Variants in TNFRSF10B observed in about 807,000 individuals in gnomAD.
TNFRSF10B encodes the protein tumor necrosis factor receptor superfamily member 10B.
In TNFRSF10B, 35 loss-of-function variants were observed where a neutral mutation model predicts 41.4. The observed-to-expected ratio is 0.85, with a 90% confidence interval of 0.65 to 1.12. The LOEUF is 1.12. Ranked by LOEUF, TNFRSF10B falls within the 50% of genes most tolerant of loss-of-function variation. The probability of loss-of-function intolerance (pLI) is 0.00; values close to 1 mark genes in which losing one functional copy is unlikely to be tolerated. For missense variants in TNFRSF10B, 584 were observed against 552.7 expected, an observed-to-expected ratio of 1.06 and a Z score of -0.57; for synonymous variants, 230 against 215.5, an observed-to-expected ratio of 1.07 and a Z score of -0.59.
chr8:23,028,361 C>T lies in TNFRSF10B; in HGVS notation c.718G>A (p.Val240Ile). The T allele has an allele frequency of 6.2e-7, 1 of 1,614,182 alleles. No homozygotes were observed. The highest frequency in any genetic ancestry group is 8.5e-7 in the Non-Finnish European group (1 of 1,180,022). Residue 240 changes from valine (V) to isoleucine (I), a missense_variant, in exon 5 of 9, where the codon GTC becomes ATC. Coordinates refer to ENST00000276431, the MANE Select transcript of TNFRSF10B (RefSeq NM_003842.5). ...CAGATGCCTTTCAGGTAAGGAAGGA[C>T]TTTCTTCCACAGTAAAGACTTGCAA... The part of the protein sequence containing the change: ...FVCKSLLWKK[V>I]LPYLKGICSG...
At chr8:23,041,893 G>A (rs941064216) in intron 2 of TNFRSF10B, among the ~76,000 whole-genome samples, 5 of 152,052 alleles carry the variant, frequency 3.3e-5, no homozygotes, top group African/African-American at 7.2e-5. Flanking sequence ...AAATCCTCAT[G>A]GGCTCAGTTG....
chr8:23,051,771 C>T (rs1812525715), intron 1 of TNFRSF10B, among the ~76,000 whole-genome samples: 1 of 152,062 alleles, frequency 6.6e-6, no homozygotes, highest in Non-Finnish European at 1.5e-5. Flanking sequence ...TCTCCATCTC[C>T]TGACCTTCTG....
At position 23,020,814 on chromosome 8, in the gene TNFRSF10B, C is replaced by T. The variant is rs1811495212; in HGVS notation, c.*1857G>A. The T allele has an allele frequency of 6.6e-6, 3 of 454,126 alleles. No individual in the cohort carries two copies. Among genetic ancestry groups the T allele is most frequent in the Non-Finnish European group, 1.3e-5 (3 of 226,790 alleles). The allele number at this position is 454,126 out of a possible 1,614,324, so 28.1% of individuals were successfully genotyped here. ...TGGGACCGGACTGGCACCTTCTGAG[C>T]CCTGAGGCTGAGCGTCCTGCACAGA... On this transcript the variant is annotated 3_prime_UTR_variant, in exon 9 of 9. Coordinates refer to ENST00000276431, the MANE Select transcript of TNFRSF10B (RefSeq NM_003842.5).
intron 2 of TNFRSF10B, among the ~76,000 whole-genome samples, chr8:23,039,536 C>T (rs561291701): frequency 1.3e-5 from 2 of 152,234 alleles, no homozygotes; most frequent in African/African-American, 4.8e-5. Context: ...ATCTGCTTGA[C>T]TCAAAGCCCA....
At chr8:23,064,992 T>C (rs895936242) in intron 1 of TNFRSF10B, among the ~76,000 whole-genome samples, 1 of 152,162 alleles carries the variant, frequency 6.6e-6, no homozygotes, top group African/African-American at 2.4e-5. Context: ...CAGTCAAATA[T>C]GGAGGGATGA....
Position 23,056,422 on chromosome 8 carries a change from C to T in TNFRSF10B, c.144+12329G>A, listed in dbSNP as rs1408574019. 3.3e-5 allele frequency among the ~76,000 whole-genome samples: 5 copies of T among 152,176 alleles called. No homozygotes were observed. In the East Asian group the frequency reaches 5.8e-4, roughly 18 times the overall value. On this transcript the variant is annotated intron_variant, in intron 1 of 8. Coordinates refer to ENST00000276431, the MANE Select transcript of TNFRSF10B (RefSeq NM_003842.5). ...ATCCCAGCATTTTGGGAGGCCGAGG[C>T]GGGCGATCATTTGAGGGCAGGAGTT...
intron 2 of TNFRSF10B, among the ~76,000 whole-genome samples, chr8:23,040,436 TAC>T (rs1812156010): frequency 1.2e-5 from 1 of 85,748 alleles, no homozygotes; most frequent in Non-Finnish European, 2.8e-5. Flanking sequence ...AATATATATA[TAC>T]AAAATATATA....
Position 23,027,162 on chromosome 8 carries a change from A to G in TNFRSF10B, c.907T>C (p.Leu303=), listed in dbSNP as rs746434302. 6.2e-7 allele frequency: 1 copy of G among 1,614,082 alleles called. No homozygotes were observed. Among genetic ancestry groups the G allele is most frequent in the African/African-American group, 1.3e-5 (1 of 74,932 alleles). The change falls in exon 7 of 9, where the codon TTG becomes CTG. Residue 303 remains leucine (L), a synonymous_variant. Transcript: ENST00000276431. ...EPAEPTGVNM[L]SPGESEHLLE... ...AGATGCTCTGACTCCCCGGGGGACAACATGTTGACACCTGTTGGCTCTGCT... is the reference window on the plus strand; with the variant it reads ...AGATGCTCTGACTCCCCGGGGGACAGCATGTTGACACCTGTTGGCTCTGCT...
At chr8:23,047,170 C>A (rs1027265576) in intron 1 of TNFRSF10B, among the ~76,000 whole-genome samples, 2 of 152,030 alleles carry the variant, frequency 1.3e-5, no homozygotes, top group Non-Finnish European at 2.9e-5. Flanking sequence ...CCAGCCTGAT[C>A]AACATGGAGA....
intron 2 of TNFRSF10B, among the ~76,000 whole-genome samples, chr8:23,042,554 C>T (rs1812233725): frequency 6.6e-6 from 1 of 152,308 alleles, no homozygotes; most frequent in South Asian, 2.1e-4. Context: ...AGGCCCTCCA[C>T]CTGCTTCCTG....
At chr8:23,043,839 G>A (rs1215793683) in intron 1 of TNFRSF10B, among the ~76,000 whole-genome samples, 1 of 152,214 alleles carries the variant, frequency 6.6e-6, no homozygotes, top group Non-Finnish European at 1.5e-5. Flanking sequence ...ATTGTGTTGT[G>A]TGAACATCAG....
chr8:23,027,888 G>A lies in TNFRSF10B; in HGVS notation c.749-135C>T, dbSNP rs571141187. 4 of 1,037,858 alleles carry A rather than the reference G, an allele frequency of 3.9e-6. No individual in the cohort carries two copies. In the South Asian group the frequency reaches 4.1e-5, roughly 11 times the overall value. The allele number at this position is 1,037,858 out of a possible 1,614,324, so 64.3% of individuals were successfully genotyped here. On this transcript the variant is annotated intron_variant, in intron 5 of 8. Coordinates refer to ENST00000276431, the MANE Select transcript of TNFRSF10B (RefSeq NM_003842.5). Reference sequence around the variant, plus strand: ...GAGCCCTGGGGCTGGGGACAGAATGGGGCCTTACAACTCAGAGACACCCTG... The same window carrying A: ...GAGCCCTGGGGCTGGGGACAGAATGAGGCCTTACAACTCAGAGACACCCTG...
Position 23,039,356 on chromosome 8 carries a change from T to C in TNFRSF10B, c.250+3782A>G, listed in dbSNP as rs566322931. Among the ~76,000 whole-genome samples, 7 of 152,136 alleles carry C rather than the reference T, an allele frequency of 4.6e-5. No individual in the cohort carries two copies. The South Asian group carries it at 1.5e-3, about 32-fold the overall frequency. ...ATCTTAAGGAATTGGTTCACATAAC[T>C]GTGGAGGCTGGCAAATTCAAAAGGT... On this transcript the variant is annotated intron_variant, in intron 2 of 8. Transcript: ENST00000276431.
chr8:23,030,830 T>G lies in TNFRSF10B; in HGVS notation c.293A>C (p.Lys98Thr), dbSNP rs1354556618. Residue 98 changes from lysine (K) to threonine (T), a missense_variant, in exon 3 of 9, where the codon AAA becomes ACA. Physicochemically the swap from Lys to Thr is moderately conservative, Grantham distance 78 (BLOSUM62 -1). Coordinates refer to ENST00000276431, the MANE Select transcript of TNFRSF10B (RefSeq NM_003842.5). The stretch of plus-strand genomic sequence containing the variant: ...GTGAGTGCTATAGTCCTGTCCATAT[T>G]TGCAGGAGATGCAATCTCTACCGTC... ...SEDGRDCISC[K>T]YGQDYSTHWN... is the part of the protein sequence containing the mutation. 1 of 1,612,824 alleles carries G rather than the reference T, an allele frequency of 6.2e-7. No homozygotes were observed. Among genetic ancestry groups the G allele is most frequent in the Non-Finnish European group, 8.5e-7 (1 of 1,179,574 alleles).
intron 1 of TNFRSF10B, among the ~76,000 whole-genome samples, chr8:23,057,971 G>A (rs1002745291): frequency 6.6e-5 from 10 of 152,122 alleles, no homozygotes; most frequent in Non-Finnish European, 1.5e-4. Context: ...TCTTGGCTGG[G>A]CACAATGGTT....
chr8:23,046,790 T>TA (rs1348941354), intron 1 of TNFRSF10B, among the ~76,000 whole-genome samples: 1 of 152,020 alleles, frequency 6.6e-6, no homozygotes, highest in Non-Finnish European at 1.5e-5. Context: ...ACAGAGCCTA[T>TA]AAATGAATCC....
intron 2 of TNFRSF10B, among the ~76,000 whole-genome samples, chr8:23,033,307 G>C (rs1031394297): frequency 6.6e-6 from 1 of 152,132 alleles, no homozygotes; most frequent in African/African-American, 2.4e-5. Flanking sequence ...ACTGGAGGCC[G>C]GGTGCGGTGG....
At chr8:23,029,982 C>A (rs1466341755) in intron 3 of TNFRSF10B, among the ~76,000 whole-genome samples, 1 of 152,226 alleles carries the variant, frequency 6.6e-6, no homozygotes, top group Non-Finnish European at 1.5e-5. Flanking sequence ...AGGGGACAAG[C>A]ATCGTTTAGA....
intron 1 of TNFRSF10B, among the ~76,000 whole-genome samples, chr8:23,065,817 T>G (rs941080607): frequency 1.3e-5 from 2 of 150,710 alleles, no homozygotes; most frequent in African/African-American, 4.9e-5. Context: ...GAAATTACTA[T>G]GCATGAAAAA....
Sources: gnomAD v4.1 joint callset for allele counts (sites outside exome capture counted in the v4.1 genomes callset) on GRCh38, gnomAD v4.1.1 for gene constraint, MANE v1.5 for transcripts, NCBI Gene and HGNC (gene_info 2026-07-23, HGNC 2026-07-21) for gene names.